ETV1: variants seen among roughly 807,000 people sequenced by gnomAD.
ETV1 encodes ETS variant transcription factor 1.
In ETV1, 27 loss-of-function variants were observed where a neutral mutation model predicts 62.3. The ratio of observed to expected loss-of-function variants is 0.43; its 90% CI spans 0.32 to 0.60. The LOEUF is 0.60. ETV1 is among the 20% of genes least tolerant of loss of function. ETV1 has a pLI of 0.06. For synonymous variants in ETV1, 222 were observed against 199.6 expected (o/e 1.11, Z -0.94); for missense variants, 605 against 605.8 (o/e 1.00, Z 0.01).
At chr7:13,924,414 C>T (rs889590475) in intron 9 of ETV1, among the ~76,000 whole-genome samples, 2 of 152,134 alleles carry the variant, frequency 1.3e-5, no homozygotes, top group Admixed American at 6.5e-5. Context: ...TAAGAATGCT[C>T]GTGGTATATT....
At chr7:13,907,737 G>T (rs191531780) in intron 11 of ETV1, 192 of 435,024 alleles carry the variant, frequency 4.4e-4, no homozygotes, top group Middle Eastern at 3.7e-3. Context: ...AGCCTATGTA[G>T]TCATACTAAG....
intron 6 of ETV1, among the ~76,000 whole-genome samples, chr7:13,976,072 A>G (rs542088867): frequency 1.6e-4 from 24 of 152,310 alleles, no homozygotes; most frequent in Admixed American, 4.6e-4. Flanking sequence ...AGGGTGTCTA[A>G]TTAAGGTCTA....
At chr7:13,965,885 G>A (rs1281931219) in intron 6 of ETV1, among the ~76,000 whole-genome samples, 3 of 152,154 alleles carry the variant, frequency 2.0e-5, no homozygotes, top group Admixed American at 6.5e-5. Context: ...GCATGAATAC[G>A]TTTTTTAAAA....
intron 9 of ETV1, among the ~76,000 whole-genome samples, chr7:13,924,530 C>G (rs969572062): frequency 1.3e-5 from 2 of 152,142 alleles, no homozygotes; most frequent in African/African-American, 4.8e-5. Context: ...AATGTGGGCA[C>G]TATTTAATGT....
rs944867214 is a variant in ETV1 at position 13,950,196 on chromosome 7, G to A, written c.236-10950C>T. On this transcript the variant is annotated intron_variant, in intron 6 of 13. Coordinates refer to ENST00000430479, the MANE Select transcript of ETV1 (RefSeq NM_004956.5). ...CCCAATGTGCAAAACAGATGAGAGT[G>A]GAGCTACCTTTATGGGGGAAGGCAA... 3.9e-5 allele frequency among the ~76,000 whole-genome samples: 6 copies of A among 152,268 alleles called. No homozygotes were observed. In the South Asian group the frequency reaches 8.3e-4, roughly 21 times the overall value.
At chr7:13,900,108 G>A (rs1293635676) in intron 13 of ETV1, among the ~76,000 whole-genome samples, 2 of 152,034 alleles carry the variant, frequency 1.3e-5, no homozygotes, top group African/African-American at 4.8e-5. Context: ...TACCCTAGGC[G>A]ACAGAGCTAG....
intron 6 of ETV1, among the ~76,000 whole-genome samples, chr7:13,951,184 G>T (rs184293565): frequency 1.2e-4 from 19 of 152,036 alleles, no homozygotes; most frequent in African/African-American, 4.3e-4. Flanking sequence ...ATGTGCATGT[G>T]CATGTTCTCT....
At chr7:13,942,286 A>G (rs577710657) in intron 6 of ETV1, among the ~76,000 whole-genome samples, 6 of 151,986 alleles carry the variant, frequency 3.9e-5, no homozygotes, top group African/African-American at 7.2e-5. Flanking sequence ...GCCTCCCAAA[A>G]TGCTGGCATT....
chr7:13,982,043 C>A (rs1253715076), intron 5 of ETV1, among the ~76,000 whole-genome samples: 1 of 152,032 alleles, frequency 6.6e-6, no homozygotes, highest in African/African-American at 2.4e-5. Flanking sequence ...AAGGAGGCAA[C>A]TTTCCAATGA....
chr7:13,939,628 C>A (rs1205670893), intron 6 of ETV1, among the ~76,000 whole-genome samples: 6 of 152,030 alleles, frequency 3.9e-5, no homozygotes, highest in African/African-American at 1.4e-4. Context: ...AACTAAAGAC[C>A]AAAATATAAT....
At chr7:13,954,413 C>A (rs1370819058) in intron 6 of ETV1, among the ~76,000 whole-genome samples, 1 of 152,110 alleles carries the variant, frequency 6.6e-6, no homozygotes, top group Non-Finnish European at 1.5e-5. Flanking sequence ...AGGCCAACAC[C>A]AAGACGACTA....
chr7:13,959,765 C>A (rs1789939321), intron 6 of ETV1, among the ~76,000 whole-genome samples: 1 of 151,684 alleles, frequency 6.6e-6, no homozygotes, highest in Admixed American at 6.6e-5. Context: ...TGCCTCTAAT[C>A]CCACCTACTC....
intron 5 of ETV1, among the ~76,000 whole-genome samples, chr7:13,982,312 A>G (rs1305885093): frequency 1.3e-5 from 2 of 152,078 alleles, no homozygotes; most frequent in African/African-American, 4.8e-5. Context: ...GAATAAAGTT[A>G]TACTACAAAA....
rs1371624589 is a variant in ETV1 at position 13,895,755 on chromosome 7, T to C, written c.*111A>G. 5 of 764,688 alleles carry C rather than the reference T, an allele frequency of 6.5e-6. No homozygotes were observed. Among genetic ancestry groups the C allele is most frequent in the Non-Finnish European group, 6.4e-6 (3 of 465,738 alleles). 47.4% of individuals were successfully genotyped at this position (764,688 alleles called of 1,614,324 possible). A position where few individuals can be genotyped will look rare whatever the true frequency, so the allele number is the denominator to read the frequency against. ...GGAAAAGCCCCTTTTTGTGTATTAT[T>C]ATTTAAAAATAAAATACAAACAACA... On this transcript the variant is annotated 3_prime_UTR_variant, in exon 14 of 14. Transcript: ENST00000430479.
chr7:13,916,340 A>G (rs974562954), intron 9 of ETV1, among the ~76,000 whole-genome samples: 3 of 152,162 alleles, frequency 2.0e-5, no homozygotes, highest in Non-Finnish European at 2.9e-5. Context: ...TCTTAAAAAA[A>G]AGAGAGAAAA....
chr7:13,910,293 C>G (rs539344173), intron 10 of ETV1, among the ~76,000 whole-genome samples: 1 of 138,704 alleles, frequency 7.2e-6, no homozygotes, highest in East Asian at 2.3e-4. Context: ...AAATCAACAG[C>G]TTTTCATAAT....
Position 13,894,080 on chromosome 7 carries a change from C to T in ETV1, c.*1786G>A. 4.3e-6 allele frequency: 1 copy of T among 231,966 alleles called. No homozygotes were observed. The highest frequency in any genetic ancestry group is 8.5e-6 in the Non-Finnish European group (1 of 117,614). 14.4% of individuals were successfully genotyped at this position (231,966 alleles called of 1,614,324 possible). ...TTGGAAAATGGGTAGCTGGGGGGAT[C>T]ATCTTTAAACAATCTTTTTCATGCT... is the stretch of plus-strand genomic sequence containing the variant. On this transcript the variant is annotated 3_prime_UTR_variant, in exon 14 of 14. Transcript: ENST00000430479.
At chr7:13,933,053 T>C (rs1786374950) in intron 8 of ETV1, among the ~76,000 whole-genome samples, 1 of 152,172 alleles carries the variant, frequency 6.6e-6, no homozygotes, top group African/African-American at 2.4e-5. Flanking sequence ...TTCATTTCCC[T>C]TCTCTTGCTT....
intron 9 of ETV1, among the ~76,000 whole-genome samples, chr7:13,922,893 A>G (rs145161567): frequency 0.019 from 2,845 of 152,310 alleles, 32 homozygotes; most frequent in Middle Eastern, 0.041. Context: ...ATTGGAAAAT[A>G]TGTATGAGGT....
Sources: allele counts gnomAD v4.1 joint callset (sites outside exome capture counted in the v4.1 genomes callset), GRCh38; gene constraint gnomAD v4.1.1; transcripts MANE v1.5; gene names NCBI Gene and HGNC (gene_info 2026-07-23, HGNC 2026-07-21).